Variants in MYH10 observed in about 807,000 individuals in gnomAD.
MYH10 encodes the protein myosin-10.
Under a neutral mutation model 257.8 loss-of-function variants are expected in MYH10, and 55 were observed. The ratio of observed to expected loss-of-function variants is 0.21; its 90% confidence interval spans 0.17 to 0.27. The LOEUF (loss-of-function observed/expected upper bound fraction) is 0.27. Among genes scored for constraint, MYH10 ranks in the 10% least tolerant of loss-of-function variants. The pLI is 1.00. For missense variants in MYH10, 1,631 were observed against 2,500.6 expected (o/e 0.65, Z 7.42); for synonymous variants, 854 against 921.7 (o/e 0.93, Z 1.33).
intron 13 of MYH10, among the ~76,000 whole-genome samples, chr17:8,542,830 G>A (rs1279684803): frequency 6.6e-6 from 1 of 152,178 alleles, no homozygotes; most frequent in East Asian, 1.9e-4. Context: ...TGAGAGCTCA[G>A]CCAGGCCTGG....
At chr17:8,509,280 A>T (rs11654755) in intron 25 of MYH10, among the ~76,000 whole-genome samples, 1 of 152,078 alleles carries the variant, frequency 6.6e-6, no homozygotes, top group South Asian at 2.1e-4. Context: ...AGATGCAATC[A>T]GCCCAGCGTC....
intron 16 of MYH10, among the ~76,000 whole-genome samples, chr17:8,532,100 T>C (rs1428993958): frequency 1.3e-5 from 2 of 152,194 alleles, no homozygotes; most frequent in African/African-American, 2.4e-5. Context: ...CAGATGAAAC[T>C]AACTGTCCAC....
At position 8,506,819 on chromosome 17, in the gene MYH10, G is replaced by GA. The variant is rs1468479348; in HGVS notation, c.3215-331_3215-330insT. Among the ~76,000 whole-genome samples the GA allele has an allele frequency of 3.5e-4, 53 of 152,344 alleles. 2 individuals carry two copies. The highest frequency in any genetic ancestry group is 5.9e-5 in the Non-Finnish European group (4 of 68,040). ...CAAACACATCACTGTACCCAGGTTT[G>GA]CAAAGTGGCTCAGCAGGTGCTGGGG... On this transcript the variant is annotated intron_variant, in intron 26 of 42. Coordinates refer to ENST00000360416, the MANE Select transcript of MYH10 (RefSeq NM_001256012.3). This position sits in a 1 kb window ranked among gnomAD's most constrained non-coding sequence, Gnocchi z 5.0.
At chr17:8,540,250 C>T (rs1323333611) in intron 14 of MYH10, among the ~76,000 whole-genome samples, 2 of 152,210 alleles carry the variant, frequency 1.3e-5, no homozygotes, top group Non-Finnish European at 2.9e-5. Flanking sequence ...CTGCCTCAGC[C>T]TCCCAAAGTA....
chr17:8,558,326 A>T (rs1271068885), intron 7 of MYH10, among the ~76,000 whole-genome samples: 1 of 152,186 alleles, frequency 6.6e-6, no homozygotes, highest in Admixed American at 6.5e-5. Context: ...GTGCACTTCC[A>T]CACATAGCAC....
At chr17:8,572,278 G>A (rs2152008088) in intron 6 of MYH10, among the ~76,000 whole-genome samples, 1 of 151,916 alleles carries the variant, frequency 6.6e-6, no homozygotes, top group African/African-American at 2.4e-5. Flanking sequence ...GAGAGAGAGA[G>A]AGAGAGAGAG....
intron 40 of MYH10, 50 bp downstream of exon 40, chr17:8,480,060 G>T: frequency 6.3e-7 from 1 of 1,589,150 alleles, no homozygotes; most frequent in South Asian, 1.1e-5. Context: ...TTTTGTCTCT[G>T]ACTGAGCCTA....
chr17:8,526,652 T>C (rs1326034459), intron 17 of MYH10, among the ~76,000 whole-genome samples: 1 of 152,212 alleles, frequency 6.6e-6, no homozygotes, highest in Non-Finnish European at 1.5e-5. Context: ...AAATGCAACG[T>C]GTCGTCTATC....
chr17:8,487,061 T>C (rs1326129787), intron 36 of MYH10, among the ~76,000 whole-genome samples: 1 of 152,174 alleles, frequency 6.6e-6, no homozygotes, highest in Non-Finnish European at 1.5e-5. Context: ...TAATGAAAAC[T>C]GGCACATCAT....
rs776151094 is a variant in MYH10 at position 8,499,271 on chromosome 17, T to A, written c.3950A>T (p.Gln1317Leu). The change falls in exon 30 of 43, where the codon CAG (glutamine) becomes CTG (leucine). Residue 1317 changes from glutamine (Q) to leucine (L), a missense_variant and splice_region_variant. Transcript: ENST00000360416. ...GTAGAGCGGAGGTTTCTGGCTTACCTGCAGCTTACTTGCTTTCTCCGCCAG... is the reference window on the plus strand; with the variant it reads ...GTAGAGCGGAGGTTTCTGGCTTACCAGCAGCTTACTTGCTTTCTCCGCCAG... ...VELAEKASKL[Q>L]NELDNVSTLL... The A allele has an allele frequency of 1.6e-4, 260 of 1,612,994 alleles. No individual in the cohort carries two copies. Among genetic ancestry groups the A allele is most frequent in the Non-Finnish European group, 2.1e-4 (246 of 1,179,468 alleles).
chr17:8,547,190 C>T (rs919958333), intron 11 of MYH10, among the ~76,000 whole-genome samples: 1 of 152,208 alleles, frequency 6.6e-6, no homozygotes, highest in Non-Finnish European at 1.5e-5. Context: ...GCTGGGACTA[C>T]ATGGCCACTA....
At position 8,623,274 on chromosome 17, in the gene MYH10, G is replaced by T; in HGVS notation, c.-28C>A. ...TAAATGGAACGATCCAAAAGCAATT[G>T]CCTCTAAGAGAAGAGGAGGAGGGCA... On this transcript the variant is annotated 5_prime_UTR_variant, in exon 2 of 43. Transcript: ENST00000360416. The T allele has an allele frequency of 6.5e-7, 1 of 1,548,168 alleles. No homozygotes were observed. The highest frequency in any genetic ancestry group is 2.3e-5 in the East Asian group (1 of 44,010).
intron 31 of MYH10, 155 bp from the exon 32 acceptor site, chr17:8,494,040 C>T (rs953755258): frequency 4.7e-6 from 4 of 857,254 alleles, no homozygotes; most frequent in East Asian, 2.6e-5. Context: ...AAAACACACA[C>T]GATAACTTTG....
chr17:8,565,427 C>T (rs558666203), intron 7 of MYH10, among the ~76,000 whole-genome samples: 96 of 152,076 alleles, frequency 6.3e-4, no homozygotes, highest in Middle Eastern at 3.2e-3. Flanking sequence ...CTACTGAGAT[C>T]AACTACTTGT....
rs147719939 is a variant in MYH10 at position 8,521,280 on chromosome 17, G to C, written c.1963C>G (p.Arg655Gly). ...VSGLHEPPVD[R>G]IVGLDQVTGM... Reference sequence around the variant, plus strand: ...GTGACTTGATCCAGACCCACGATACGGTCCACTGGGGAGAAGAAAGGAGAA... The same window carrying C: ...GTGACTTGATCCAGACCCACGATACCGTCCACTGGGGAGAAGAAAGGAGAA... Residue 655 changes from arginine (R) to glycine (G), a missense_variant, in exon 18 of 43, where the codon CGT becomes GGT. Arg to Gly is a moderately radical substitution (Grantham distance 125, BLOSUM62 -2). Coordinates refer to ENST00000360416, the MANE Select transcript of MYH10 (RefSeq NM_001256012.3). The C allele has an allele frequency of 1.2e-6, 2 of 1,613,784 alleles. No homozygotes were observed. Among genetic ancestry groups the C allele is most frequent in the African/African-American group, 2.7e-5 (2 of 74,896 alleles).
intron 4 of MYH10, among the ~76,000 whole-genome samples, chr17:8,587,158 T>TTGTCCGTAGA (rs1289618856): frequency 6.6e-6 from 1 of 152,010 alleles, no homozygotes; most frequent in African/African-American, 2.4e-5. Context: ...CCACCAACAG[T>TTGTCCGTAGA]CAGCCAGCCA....
intron 13 of MYH10, among the ~76,000 whole-genome samples, chr17:8,543,396 T>C (rs2082350185): frequency 6.6e-6 from 1 of 152,210 alleles, no homozygotes; most frequent in Non-Finnish European, 1.5e-5. Flanking sequence ...ATTCTGCTTA[T>C]TCATGTTCAT....
chr17:8,518,815 CTTTT>C (rs772555898), intron 20 of MYH10, 24 bp from the exon 21 acceptor site: 7 of 1,602,960 alleles, frequency 4.4e-6, no homozygotes, highest in African/African-American at 4.1e-5. Flanking sequence ...AGTTTATTTA[CTTTT>C]TTTAACTACA....
intron 1 of MYH10, among the ~76,000 whole-genome samples, chr17:8,626,727 G>A (rs1002151332): frequency 1.3e-5 from 2 of 151,848 alleles, no homozygotes; most frequent in African/African-American, 4.8e-5. Flanking sequence ...CAGAAGGGTA[G>A]AATCTATTAA....
Sources: allele counts gnomAD v4.1 joint callset (sites outside exome capture counted in the v4.1 genomes callset), GRCh38; gene constraint gnomAD v4.1.1; non-coding constraint Gnocchi (gnomAD v3.1); transcripts MANE v1.5; gene names NCBI Gene and HGNC (gene_info 2026-07-23, HGNC 2026-07-21).